The following PCDH15 variants were observed in gnomAD, a reference collection of about 807,000 sequenced individuals.
The protein encoded by PCDH15 is protocadherin-15.
In PCDH15, 129 loss-of-function variants were observed where a neutral mutation model predicts 178.5. That is an observed-to-expected ratio of 0.72 (90% CI 0.63 to 0.84). PCDH15 has a LOEUF of 0.84. PCDH15 is among the 40% of genes least tolerant of loss of function. The pLI, the probability that PCDH15 is intolerant of heterozygous loss-of-function variation, is 0.00. For synonymous variants in PCDH15, 800 were observed against 732.0 expected (o/e 1.09, Z -1.50); for missense variants, 2,230 against 2,099.9 (o/e 1.06, Z -1.21).
intron 1 of PCDH15, among the ~76,000 whole-genome samples, chr10:54,765,763 T>A (rs918574692): frequency 2.6e-5 from 4 of 152,068 alleles, no homozygotes; most frequent in African/African-American, 9.7e-5. Flanking sequence ...AAGAAAGTCA[T>A]CCAAAGCCAT....
chr10:54,373,247 G>A (rs920352954), intron 4 of PCDH15, among the ~76,000 whole-genome samples: 3 of 149,844 alleles, frequency 2.0e-5, no homozygotes, highest in African/African-American at 7.3e-5. Flanking sequence ...TTTTCATAAA[G>A]TATAGGCAAA....
intron 3 of PCDH15, among the ~76,000 whole-genome samples, chr10:54,518,939 A>G: frequency 6.6e-6 from 1 of 152,332 alleles, no homozygotes; most frequent in Middle Eastern, 3.4e-3. Context: ...TCCAGCATAT[A>G]AACAGATCCA....
At chr10:55,435,571 A>G (rs1839018807) in intron 2 of PCDH15, among the ~76,000 whole-genome samples, 1 of 152,086 alleles carries the variant, frequency 6.6e-6, no homozygotes, top group African/African-American at 2.4e-5. Flanking sequence ...ACTGAGATTC[A>G]TTGTTTAACT....
chr10:54,626,441 G>A (rs909321303), intron 2 of PCDH15, among the ~76,000 whole-genome samples: 17 of 152,160 alleles, frequency 1.1e-4, no homozygotes, highest in African/African-American at 3.9e-4. Flanking sequence ...CTGATGCCCT[G>A]CTTCCAAGCC....
At chr10:55,485,608 T>C (rs1840278116) in intron 2 of PCDH15, among the ~76,000 whole-genome samples, 1 of 151,574 alleles carries the variant, frequency 6.6e-6, no homozygotes, top group Non-Finnish European at 1.5e-5. Flanking sequence ...AAATTAAGTA[T>C]GTAACTATCA....
chr10:54,266,258 C>G (rs1010481717), intron 8 of PCDH15, among the ~76,000 whole-genome samples: 1 of 151,454 alleles, frequency 6.6e-6, no homozygotes, highest in African/African-American at 2.4e-5. Flanking sequence ...ACTTTTTAAA[C>G]AAATGAAAAC....
intron 2 of PCDH15, among the ~76,000 whole-genome samples, chr10:54,899,935 A>T (rs911277818): frequency 3.3e-4 from 4 of 12,198 alleles, no homozygotes; most frequent in Non-Finnish European, 5.2e-4. Context: ...AAAGTGCTTT[A>T]AAAAAAAAGA....
At chr10:55,343,705 C>A (rs1197309878) in intron 2 of PCDH15, among the ~76,000 whole-genome samples, 1 of 151,814 alleles carries the variant, frequency 6.6e-6, no homozygotes, top group African/African-American at 2.4e-5. Context: ...GTATCCAACT[C>A]TGATCAATTG....
Position 54,307,130 on chromosome 10 carries a change from A to G in PCDH15, c.876+10141T>C, listed in dbSNP as rs866655434. On this transcript the variant is annotated intron_variant, in intron 8 of 37. Transcript: ENST00000644397. ...TATATATATATATATATATATATAT[A>G]TATATATATATATATATATAAAATT... Among the ~76,000 whole-genome samples the G allele has an allele frequency of 8.2e-4, 62 of 75,782 alleles. 9 individuals are homozygous for G. In the East Asian group the frequency reaches 0.017, roughly 21 times the overall value. 49.7% of individuals were successfully genotyped at this position (75,782 alleles called of 152,430 possible).
chr10:54,118,432 G>C (rs2095154358), intron 15 of PCDH15, among the ~76,000 whole-genome samples: 1 of 152,108 alleles, frequency 6.6e-6, no homozygotes, highest in South Asian at 2.1e-4. Flanking sequence ...AGGCCAAGGA[G>C]GGCGGATCAC....
intron 25 of PCDH15, among the ~76,000 whole-genome samples, chr10:53,934,025 G>GT (rs1447349073): frequency 1.1e-4 from 17 of 152,024 alleles, no homozygotes; most frequent in Non-Finnish European, 2.2e-4. Context: ...GGGGTTGTTT[G>GT]TTTTTTCTTG....
chr10:54,413,824 G>A (rs1034589899), intron 3 of PCDH15, among the ~76,000 whole-genome samples: 1 of 152,026 alleles, frequency 6.6e-6, no homozygotes. Flanking sequence ...TTTCACATAC[G>A]ATAATGGCCT....
intron 3 of PCDH15, among the ~76,000 whole-genome samples, chr10:54,467,530 T>A (rs2077598591): frequency 6.6e-6 from 1 of 151,738 alleles, no homozygotes; most frequent in African/African-American, 2.4e-5. Context: ...CTTTTGTTAC[T>A]GTTTGTTTCA....
intron 37 of PCDH15, 76 bp from the exon 38 acceptor site, chr10:53,807,206 C>T (rs1487349285): frequency 2.5e-6 from 3 of 1,201,936 alleles, no homozygotes; most frequent in Admixed American, 2.8e-5. Context: ...CCTGTGAAAT[C>T]CAAAACAATG....
At position 53,857,227 on chromosome 10, in the gene PCDH15, C is replaced by G. The variant is rs1219799617; in HGVS notation, c.3754G>C (p.Val1252Leu). Reference protein sequence around the residue: ...VVNQLDMQVIVSNVPPTLVEK... With the variant: ...VVNQLDMQVILSNVPPTLVEK... ...ACTAGAGTAGGAGGCACATTGGAAA[C>G]AATGACTTGCATATCCAGCTGATTG... is the stretch of plus-strand genomic sequence containing the variant. Residue 1252 changes from valine (V) to leucine (L), a missense_variant, in exon 28 of 38, where the codon GTT becomes CTT. Coordinates refer to ENST00000644397, the MANE Select transcript of PCDH15 (RefSeq NM_001384140.1). 28 of 1,611,842 alleles carry G rather than the reference C, an allele frequency of 1.7e-5. No individual in the cohort carries two copies. Among genetic ancestry groups the G allele is most frequent in the Middle Eastern group, 1.7e-4 (1 of 6,052 alleles).
chr10:54,754,135 T>A (rs1001303516), intron 1 of PCDH15, among the ~76,000 whole-genome samples: 1 of 151,998 alleles, frequency 6.6e-6, no homozygotes, highest in African/African-American at 2.4e-5. Context: ...GCTCCCCAAA[T>A]CTTTACTGCC....
At chr10:54,833,710 T>G (rs1953265571) in intron 3 of PCDH15, among the ~76,000 whole-genome samples, 1 of 152,196 alleles carries the variant, frequency 6.6e-6, no homozygotes, top group South Asian at 2.1e-4. Context: ...TCTATCTACT[T>G]TATTGGCTCT....
intron 2 of PCDH15, among the ~76,000 whole-genome samples, chr10:55,015,042 G>A (rs529557104): frequency 3.7e-4 from 56 of 152,038 alleles, no homozygotes; most frequent in African/African-American, 1.3e-3. Flanking sequence ...GCAACATGGT[G>A]AAACCCCATC....
chr10:54,039,017 T>A (rs1346237138), intron 18 of PCDH15, among the ~76,000 whole-genome samples: 1 of 152,028 alleles, frequency 6.6e-6, no homozygotes, highest in African/African-American at 2.4e-5. Context: ...CTGTTGAATT[T>A]GTTTCCCAAG....
Sources: allele counts gnomAD v4.1 joint callset (sites outside exome capture counted in the v4.1 genomes callset), GRCh38; gene constraint gnomAD v4.1.1; transcripts MANE v1.5; gene names NCBI Gene and HGNC (gene_info 2026-07-23, HGNC 2026-07-21).